The following SUGCT variants were observed in gnomAD, a reference collection of about 807,000 sequenced individuals.
SUGCT encodes the protein succinyl-CoA:glutarate-CoA transferase.
A neutral mutation model predicts 55.0 loss-of-function variants in SUGCT; 41 were observed. That is an observed-to-expected ratio of 0.74 (90% CI 0.58 to 0.97). The LOEUF is 0.97. Ranked by LOEUF, SUGCT falls within the 50% of genes least tolerant of loss-of-function variation. The pLI is 0.00. For missense variants in SUGCT, 568 were observed against 547.8 expected (o/e 1.04, Z -0.37); for synonymous variants, 187 against 200.4 (o/e 0.93, Z 0.56).
intron 8 of SUGCT, among the ~76,000 whole-genome samples, chr7:40,312,713 T>C (rs996753936): frequency 6.6e-6 from 1 of 152,138 alleles, no homozygotes; most frequent in Non-Finnish European, 1.5e-5. Flanking sequence ...CTGGCTGGGA[T>C]TGGGGCTTAA....
the SUGCT span, among the ~76,000 whole-genome samples, chr7:40,995,613 T>C: frequency 1.3e-5 from 2 of 152,034 alleles, no homozygotes; most frequent in African/African-American, 2.4e-5. Flanking sequence ...GCTTTTTTTT[T>C]CTCATTCTTC....
the SUGCT span, among the ~76,000 whole-genome samples, chr7:40,870,242 GGGGCTTTAGAA>G: frequency 6.6e-6 from 1 of 151,996 alleles, no homozygotes; most frequent in African/African-American, 2.4e-5. Context: ...GCTCTCTGTG[GGGGCTTTAGAA>G]ATGAATTCCC....
chr7:40,640,012 T>A (rs1446778487), intron 12 of SUGCT, among the ~76,000 whole-genome samples: 6 of 152,202 alleles, frequency 3.9e-5, no homozygotes, highest in Non-Finnish European at 1.5e-5. Flanking sequence ...CATCATGGTG[T>A]TTGAATAGTA....
intron 9 of SUGCT, among the ~76,000 whole-genome samples, chr7:40,433,237 T>A (rs960514297): frequency 2.0e-5 from 3 of 152,132 alleles, no homozygotes; most frequent in African/African-American, 7.2e-5. Context: ...CTTGTGATGA[T>A]TATTTTGAAT....
intron 12 of SUGCT, among the ~76,000 whole-genome samples, chr7:40,681,493 AC>A (rs1307651736): frequency 6.6e-6 from 1 of 152,108 alleles, no homozygotes; most frequent in Non-Finnish European, 1.5e-5. Flanking sequence ...AAGACCAGAT[AC>A]CACACCGAGG....
At chr7:40,925,955 A>G in the SUGCT span, among the ~76,000 whole-genome samples, 4 of 152,122 alleles carry the variant, frequency 2.6e-5, no homozygotes, top group Admixed American at 2.6e-4. Flanking sequence ...TTATCCAGGC[A>G]TGGTGGCACA....
At chr7:40,376,375 A>G (rs1784543925) in intron 9 of SUGCT, among the ~76,000 whole-genome samples, 2 of 151,222 alleles carry the variant, frequency 1.3e-5, no homozygotes, top group Admixed American at 1.3e-4. Context: ...TGCAATTTTT[A>G]TCTAATGTAT....
chr7:40,660,109 G>T (rs997415787), intron 12 of SUGCT, among the ~76,000 whole-genome samples: 3 of 152,156 alleles, frequency 2.0e-5, no homozygotes, highest in Admixed American at 1.3e-4. Context: ...TCAGTTTATA[G>T]GTTTCTCACG....
At position 40,684,733 on chromosome 7, in the gene SUGCT, A is replaced by C. The variant is rs1339480110; in HGVS notation, c.1090-64701A>C. ...CTCTCTCCCTTCCCAATATAATCTT[A>C]TATCACTATTTTGGTTAAATAAGTA... On this transcript the variant is annotated intron_variant, in intron 12 of 13. Transcript: ENST00000335693. Among the ~76,000 whole-genome samples, 3 of 152,270 alleles carry C rather than the reference A, an allele frequency of 2.0e-5. No individual in the cohort carries two copies. In the East Asian group the frequency reaches 5.8e-4, roughly 29 times the overall value.
intron 12 of SUGCT, among the ~76,000 whole-genome samples, chr7:40,521,575 G>A (rs1276160855): frequency 1.3e-5 from 2 of 152,150 alleles, no homozygotes; most frequent in Non-Finnish European, 2.9e-5. Flanking sequence ...GTTATAAACA[G>A]TAGTGACAGC....
chr7:40,246,666 C>T (rs1225538585), intron 7 of SUGCT, among the ~76,000 whole-genome samples: 1 of 150,464 alleles, frequency 6.6e-6, no homozygotes, highest in Non-Finnish European at 1.5e-5. Flanking sequence ...GCATGATCTC[C>T]GCTCACTGCA....
chr7:40,249,948 G>A (rs895423049), intron 7 of SUGCT, among the ~76,000 whole-genome samples: 1 of 152,022 alleles, frequency 6.6e-6, no homozygotes, highest in African/African-American at 2.4e-5. Context: ...CACCATGCGT[G>A]GATAATTTTT....
the SUGCT span, among the ~76,000 whole-genome samples, chr7:40,985,274 G>A: frequency 1.3e-5 from 2 of 152,176 alleles, no homozygotes; most frequent in Non-Finnish European, 2.9e-5. Context: ...CAATGGCATT[G>A]TAAATGGACA....
At chr7:40,574,760 T>C (rs1796634240) in intron 12 of SUGCT, among the ~76,000 whole-genome samples, 1 of 152,202 alleles carries the variant, frequency 6.6e-6, no homozygotes, top group African/African-American at 2.4e-5. Flanking sequence ...TTCCAAAAGA[T>C]TATGAATCAG....
At chr7:40,338,212 T>G (rs1332241117) in intron 9 of SUGCT, among the ~76,000 whole-genome samples, 1 of 152,204 alleles carries the variant, frequency 6.6e-6, no homozygotes, top group African/African-American at 2.4e-5. Flanking sequence ...TTGGTGAATC[T>G]GACAATTATG....
chr7:40,401,842 G>A (rs1176878576), intron 9 of SUGCT, among the ~76,000 whole-genome samples: 2 of 152,162 alleles, frequency 1.3e-5, no homozygotes, highest in African/African-American at 4.8e-5. Flanking sequence ...CCAAGGAAAA[G>A]CCTTTTCCAA....
At chr7:40,591,873 T>C (rs1255243796) in intron 12 of SUGCT, among the ~76,000 whole-genome samples, 2 of 152,232 alleles carry the variant, frequency 1.3e-5, no homozygotes, top group Non-Finnish European at 2.9e-5. Flanking sequence ...ATGTTCAATA[T>C]AGTGTAAACA....
At position 40,624,087 on chromosome 7, in the gene SUGCT, G is replaced by T. The variant is rs1233300922; in HGVS notation, c.1090-125347G>T. ...TCTGTTGTGTGTCATATGTCAGACA[G>T]TCTCTGGCTTGGAGTGATTTACTGG... is the stretch of plus-strand genomic sequence containing the variant. On this transcript the variant is annotated intron_variant, in intron 12 of 13. Transcript: ENST00000335693. 9.2e-5 allele frequency among the ~76,000 whole-genome samples: 14 copies of T among 152,308 alleles called. No individual in the cohort carries two copies. In the East Asian group the frequency reaches 1.7e-3, roughly 19 times the overall value.
chr7:40,360,706 A>G (rs1169819299), intron 9 of SUGCT, among the ~76,000 whole-genome samples: 1 of 152,214 alleles, frequency 6.6e-6, no homozygotes, highest in Admixed American at 6.5e-5. Context: ...GACTAGCATG[A>G]GAGGGAGCAG....
Sources: gnomAD v4.1 joint callset for allele counts (sites outside exome capture counted in the v4.1 genomes callset) on GRCh38, gnomAD v4.1.1 for gene constraint, MANE v1.5 for transcripts, NCBI Gene and HGNC (gene_info 2026-07-23, HGNC 2026-07-21) for gene names.